The following FAM81A variants were observed in gnomAD, a reference collection of about 807,000 sequenced individuals.
FAM81A encodes protein FAM81A.
FAM81A carries 19 observed loss-of-function variants against 46.7 expected under a neutral mutation model. The observed-to-expected ratio is 0.41, with a 90% CI of 0.28 to 0.60. The LOEUF is 0.60. FAM81A is among the 20% of genes least tolerant of loss of function. The probability of loss-of-function intolerance (pLI) is 0.34; values close to 1 mark genes in which losing one functional copy is unlikely to be tolerated. For synonymous variants in FAM81A, 183 were observed against 152.9 expected (o/e 1.20, Z -1.45); for missense variants, 377 against 453.5 (o/e 0.83, Z 1.53).
At chr15:59,463,258 A>G (rs2081574266) in intron 3 of FAM81A, among the ~76,000 whole-genome samples, 1 of 152,076 alleles carries the variant, frequency 6.6e-6, no homozygotes. Flanking sequence ...TCCTTTTCCC[A>G]TTTGTCCTTT....
At chr15:59,412,737 C>T (rs1364334800) in intron 2 of FAM81A, among the ~76,000 whole-genome samples, 11 of 146,638 alleles carry the variant, frequency 7.5e-5, no homozygotes, top group Admixed American at 6.9e-5. Context: ...AAAGGTGTTA[C>T]GGTGTTACAG....
chr15:59,414,066 C>CCT (rs1267930544), intron 2 of FAM81A, among the ~76,000 whole-genome samples: 76 of 152,224 alleles, frequency 5.0e-4, no homozygotes, highest in African/African-American at 1.7e-3. Context: ...CGATTCTCTT[C>CCT]CAGCCTCCTG....
intron 4 of FAM81A, among the ~76,000 whole-genome samples, chr15:59,502,324 C>T (rs1298202354): frequency 6.6e-6 from 1 of 151,452 alleles, no homozygotes; most frequent in East Asian, 1.9e-4. Flanking sequence ...TAAAGCTATC[C>T]CTTCCCGCTC....
chr15:59,498,410 T>A (rs1399173061), intron 4 of FAM81A, among the ~76,000 whole-genome samples: 1 of 152,222 alleles, frequency 6.6e-6, no homozygotes, highest in African/African-American at 2.4e-5. Context: ...TAATTACTTC[T>A]AATAATTTCT....
chr15:59,516,476 T>C (rs1207447644), intron 7 of FAM81A, among the ~76,000 whole-genome samples, 169 bp from the exon 8 acceptor site: 1 of 152,066 alleles, frequency 6.6e-6, no homozygotes, highest in Non-Finnish European at 1.5e-5. Flanking sequence ...CAGCCGAAAA[T>C]CATGGATCTG....
intron 8 of FAM81A, among the ~76,000 whole-genome samples, chr15:59,518,870 A>C (rs971992494): frequency 1.3e-5 from 2 of 151,934 alleles, no homozygotes; most frequent in East Asian, 3.9e-4. Flanking sequence ...ATATATATAT[A>C]CATAGTGAAA....
intron 6 of FAM81A, among the ~76,000 whole-genome samples, chr15:59,511,776 G>A (rs1299085779): frequency 3.3e-5 from 5 of 151,974 alleles, no homozygotes; most frequent in Admixed American, 6.6e-5. Context: ...TCAGCCTCCC[G>A]AGTAGCTGGG....
At chr15:59,446,747 G>A (rs2081357957) in intron 1 of FAM81A, 1 of 152,156 alleles carries the variant, frequency 6.6e-6, no homozygotes, top group Non-Finnish European at 1.5e-5. Context: ...AGAATCACTG[G>A]ACCTGTACAA....
chr15:59,495,400 C>G (rs2141769384), intron 4 of FAM81A, among the ~76,000 whole-genome samples: 1 of 152,314 alleles, frequency 6.6e-6, no homozygotes, highest in East Asian at 1.9e-4. Flanking sequence ...TTGTGTACTG[C>G]ATTTTAAAAA....
At chr15:59,442,773 CTCTG>C (rs1444754677) in intron 1 of FAM81A, among the ~76,000 whole-genome samples, 2 of 152,180 alleles carry the variant, frequency 1.3e-5, no homozygotes, top group African/African-American at 4.8e-5. Flanking sequence ...CTCATTCTCT[CTCTG>C]TGTGTCTGTG....
intron 7 of FAM81A, among the ~76,000 whole-genome samples, chr15:59,515,072 C>T (rs2082252742): frequency 1.3e-5 from 2 of 151,956 alleles, no homozygotes; most frequent in African/African-American, 4.8e-5. Flanking sequence ...TGGTGAAACC[C>T]CATCTCTACA....
At chr15:59,438,112 A>T (rs1478185427), upstream of FAM81A, 71 of 145,562 alleles carry the variant, frequency 4.9e-4, no homozygotes, top group African/African-American at 1.7e-3. Flanking sequence ...GGAGCCGCGA[A>T]CCCGGCCGGG....
At chr15:59,471,207 A>G (rs1186307818) in intron 3 of FAM81A, among the ~76,000 whole-genome samples, 1 of 152,016 alleles carries the variant, frequency 6.6e-6, no homozygotes, top group Non-Finnish European at 1.5e-5. Context: ...TTCTTGTTCT[A>G]TTAGTTATTG....
intron 3 of FAM81A, among the ~76,000 whole-genome samples, chr15:59,478,222 C>T (rs993654052): frequency 1.6e-4 from 24 of 152,262 alleles, no homozygotes; most frequent in African/African-American, 4.3e-4. Flanking sequence ...TTAGAATCTG[C>T]GGACCTACTT....
chr15:59,424,134 C>G (rs1251436278), intron 2 of FAM81A, among the ~76,000 whole-genome samples: 1 of 152,198 alleles, frequency 6.6e-6, no homozygotes, highest in Admixed American at 6.5e-5. Context: ...CTTGTTGCCA[C>G]GTTCATCACT....
At chr15:59,520,605 C>T (rs941613657) in intron 8 of FAM81A, among the ~76,000 whole-genome samples, 7 of 149,284 alleles carry the variant, frequency 4.7e-5, no homozygotes, top group Non-Finnish European at 7.4e-5. Flanking sequence ...GCTCTGTCGC[C>T]GAGGCTGGAG....
At position 59,489,047 on chromosome 15, in the gene FAM81A, C is replaced by T. The variant is rs527394396; in HGVS notation, c.295-3224C>T. Among the ~76,000 whole-genome samples the T allele has an allele frequency of 6.4e-4, 98 of 152,220 alleles. 2 individuals are homozygous for T. In the South Asian group the frequency reaches 0.019, roughly 30 times the overall value. Reference sequence around the variant, plus strand: ...TTGGGAGGCTGAGGCAGGCGGATCACGAGGTCAGGAGATCGAGACCATACT... The same window carrying T: ...TTGGGAGGCTGAGGCAGGCGGATCATGAGGTCAGGAGATCGAGACCATACT... On this transcript the variant is annotated intron_variant, in intron 3 of 8. Transcript: ENST00000288228.
At chr15:59,453,371 G>T (rs548821117) in intron 1 of FAM81A, among the ~76,000 whole-genome samples, 4 of 152,310 alleles carry the variant, frequency 2.6e-5, no homozygotes, top group African/African-American at 9.6e-5. Context: ...ACAAATGATT[G>T]TGAGGATGAA....
chr15:59,422,611 G>C (rs1341089029), intron 2 of FAM81A, among the ~76,000 whole-genome samples: 1 of 151,994 alleles, frequency 6.6e-6, no homozygotes, highest in Admixed American at 6.6e-5. Context: ...GAAGTAGCTG[G>C]GACTACAGGT....
Sources: allele counts gnomAD v4.1 joint callset (sites outside exome capture counted in the v4.1 genomes callset), GRCh38; gene constraint gnomAD v4.1.1; transcripts MANE v1.5; gene names NCBI Gene and HGNC (gene_info 2026-07-23, HGNC 2026-07-21).